RCAN1: variants seen among roughly 807,000 people sequenced by gnomAD.
RCAN1 encodes the protein calcipressin-1.
Under a neutral mutation model 22.9 loss-of-function variants are expected in RCAN1, and 11 were observed. The ratio of observed to expected loss-of-function variants is 0.48; its 90% CI spans 0.30 to 0.79. The LOEUF is 0.79. Ranked by LOEUF, RCAN1 falls within the 30% of genes least tolerant of loss-of-function variation. RCAN1 has a pLI of 0.06. For synonymous variants in RCAN1, 136 were observed against 142.3 expected (o/e 0.96, Z 0.32); for missense variants, 291 against 337.8 (o/e 0.86, Z 1.09).
chr21:34,614,840 C>G lies in RCAN1; in HGVS notation c.172G>C (p.Glu58Gln). The change falls in exon 1 of 4, where the codon GAG becomes CAG. Residue 58 changes from glutamate (E) to glutamine (Q), a missense_variant. Coordinates refer to ENST00000313806, the MANE Select transcript of RCAN1 (RefSeq NM_004414.7). The surrounding 1 kb of genome is among the most constrained non-coding windows in gnomAD (Gnocchi z 6.0). The stretch of plus-strand genomic sequence containing the variant: ...CTGGGCAGGTCCTGCAGGTCCACCT[C>G]CTCCATCTCGCAGTCAATGAAGCTC... ...DWSFIDCEME[E>Q]VDLQDLPSAT... The G allele has an allele frequency of 6.7e-7, 1 of 1,486,886 alleles. No homozygotes were observed. The highest frequency in any genetic ancestry group is 9.0e-7 in the Non-Finnish European group (1 of 1,116,632). The allele number at this position is 1,486,886 out of a possible 1,614,324, so 92.1% of individuals were successfully genotyped here. A position where few individuals can be genotyped will look rare whatever the true frequency, so the allele number is the denominator to read the frequency against.
At chr21:34,535,879 CAA>C (rs5843668) in intron 1 of RCAN1, among the ~76,000 whole-genome samples, 1 of 113,544 alleles carries the variant, frequency 8.8e-6, no homozygotes, top group Non-Finnish European at 2.1e-5. Flanking sequence ...ACAGTAGAAA[CAA>C]AAAAAAAATC....
chr21:34,556,879 C>A (rs1404967362), intron 1 of RCAN1, among the ~76,000 whole-genome samples: 2 of 152,156 alleles, frequency 1.3e-5, no homozygotes, highest in African/African-American at 2.4e-5. Context: ...GCTTTCACTG[C>A]ACTCCTGATG....
intron 1 of RCAN1, among the ~76,000 whole-genome samples, chr21:34,554,470 G>A (rs1986482826): frequency 6.6e-6 from 1 of 152,184 alleles, no homozygotes; most frequent in Admixed American, 6.5e-5. Flanking sequence ...GGCGGATCAG[G>A]AATTGCAGAA....
intron 1 of RCAN1, among the ~76,000 whole-genome samples, chr21:34,565,702 C>T (rs999520704): frequency 3.0e-4 from 46 of 152,204 alleles, no homozygotes; most frequent in African/African-American, 1.1e-3. Context: ...CTGACCAACA[C>T]ATTCATTTTT....
intron 1 of RCAN1, among the ~76,000 whole-genome samples, chr21:34,589,126 A>C (rs1212449624): frequency 2.0e-5 from 3 of 152,208 alleles, no homozygotes; most frequent in Non-Finnish European, 4.4e-5. Flanking sequence ...AATACCTCTG[A>C]ACTGTACATG....
At chr21:34,579,339 G>T (rs951685169) in intron 1 of RCAN1, among the ~76,000 whole-genome samples, 7 of 152,262 alleles carry the variant, frequency 4.6e-5, no homozygotes, top group Admixed American at 4.6e-4. Flanking sequence ...GTAGGCAGAG[G>T]CTGCAGTGAG....
At chr21:34,576,503 T>C (rs1987415087) in intron 1 of RCAN1, among the ~76,000 whole-genome samples, 1 of 152,188 alleles carries the variant, frequency 6.6e-6, no homozygotes, top group African/African-American at 2.4e-5. Flanking sequence ...ATGGTATTTT[T>C]CCCTTTACTT....
At chr21:34,597,792 G>C (rs1386544071) in intron 1 of RCAN1, among the ~76,000 whole-genome samples, 1 of 152,144 alleles carries the variant, frequency 6.6e-6, no homozygotes, top group Non-Finnish European at 1.5e-5. Context: ...AAATGCAAAA[G>C]AATCAACTAT....
intron 1 of RCAN1, among the ~76,000 whole-genome samples, chr21:34,593,265 G>T (rs1988030809): frequency 6.6e-6 from 1 of 152,174 alleles, no homozygotes; most frequent in Non-Finnish European, 1.5e-5. Flanking sequence ...TCAAGTATTG[G>T]CAATTTCATG....
At chr21:34,566,110 G>A (rs1986998435) in intron 1 of RCAN1, among the ~76,000 whole-genome samples, 1 of 152,184 alleles carries the variant, frequency 6.6e-6, no homozygotes, top group East Asian at 1.9e-4. Flanking sequence ...AAGATGAAAT[G>A]GGCTGTCTAG....
At chr21:34,519,950 G>A (rs918204031) in intron 3 of RCAN1, among the ~76,000 whole-genome samples, 2 of 152,178 alleles carry the variant, frequency 1.3e-5, no homozygotes, top group African/African-American at 4.8e-5. Context: ...AGAGAATTCA[G>A]GCATGGGAGG....
chr21:34,604,244 C>A (rs1413033974), intron 1 of RCAN1, among the ~76,000 whole-genome samples: 2 of 152,204 alleles, frequency 1.3e-5, no homozygotes, highest in African/African-American at 4.8e-5. Context: ...GATTCTCCTG[C>A]CTCAGCCTCC....
At chr21:34,596,934 T>C (rs1401339206) in intron 1 of RCAN1, among the ~76,000 whole-genome samples, 4 of 152,168 alleles carry the variant, frequency 2.6e-5, no homozygotes, top group Admixed American at 2.6e-4. Flanking sequence ...ACTTCGGTGA[T>C]AACTTACAGA....
chr21:34,614,722 G>T lies in RCAN1; in HGVS notation c.252+38C>A. 6 of 1,389,768 alleles carry T rather than the reference G, an allele frequency of 4.3e-6. No individual in the cohort carries two copies. Among genetic ancestry groups the T allele is most frequent in the Non-Finnish European group, 5.6e-6 (6 of 1,065,492 alleles). 86.1% of individuals were successfully genotyped at this position (1,389,768 alleles called of 1,614,324 possible). ...CCGCCTCCTCGGGCAACAAGTGTCC[G>T]CCCTCCGCCCCGACGGCCCGCCCGG... is the stretch of plus-strand genomic sequence containing the variant. On this transcript the variant is annotated intron_variant, in intron 1 of 3. Transcript: ENST00000313806. The surrounding 1 kb of genome is among the most constrained non-coding windows in gnomAD (Gnocchi z 6.0).
intron 1 of RCAN1, chr21:34,524,683 C>T (rs1984875704): frequency 6.2e-6 from 1 of 160,588 alleles, no homozygotes; most frequent in South Asian, 2.0e-4. Flanking sequence ...CCATTTTCTG[C>T]ATCCTGGCTT....
intron 1 of RCAN1, among the ~76,000 whole-genome samples, chr21:34,557,773 C>T (rs954475454): frequency 9.9e-5 from 15 of 152,026 alleles, no homozygotes; most frequent in South Asian, 6.2e-4. Flanking sequence ...ATGAAGATGG[C>T]GATGATGAAG....
rs868426488 is a variant in RCAN1, at chr21:34,563,766, A to C, written c.253-40056T>G. ...CTACTAAAAATACCAAAAAAAAAAA[A>C]AAAAATATATATATATATATATATA... On this transcript the variant is annotated intron_variant, in intron 1 of 3. Transcript: ENST00000313806. Among the ~76,000 whole-genome samples the C allele has an allele frequency of 6.1e-3, 574 of 93,380 alleles. 6 individuals are homozygous for C. The highest frequency in any genetic ancestry group is 0.027 in the African/African-American group (536 of 20,048). The allele number at this position is 93,380 out of a possible 152,430, so 61.3% of individuals were successfully genotyped here.
At chr21:34,520,301 G>A (rs1023983618) in intron 3 of RCAN1, among the ~76,000 whole-genome samples, 1 of 152,164 alleles carries the variant, frequency 6.6e-6, no homozygotes, top group African/African-American at 2.4e-5. Context: ...CTCTTTGCAA[G>A]TGGAGACCCT....
chr21:34,546,421 C>T (rs939317614), intron 1 of RCAN1, among the ~76,000 whole-genome samples: 3 of 150,192 alleles, frequency 2.0e-5, no homozygotes, highest in East Asian at 1.9e-4. Flanking sequence ...TTGTTTCAAA[C>T]GAATAGGCTC....
Sources: gnomAD v4.1 joint callset for allele counts (sites outside exome capture counted in the v4.1 genomes callset) on GRCh38, gnomAD v4.1.1 for gene constraint, Gnocchi (gnomAD v3.1) non-coding constraint, MANE v1.5 for transcripts, NCBI Gene and HGNC (gene_info 2026-07-23, HGNC 2026-07-21) for gene names.